STARD10: variants seen among roughly 807,000 people sequenced by gnomAD.
STARD10 encodes the protein START domain-containing protein 10.
A neutral mutation model predicts 36.0 loss-of-function variants in STARD10; 24 were observed. That is an observed-to-expected ratio of 0.67 (90% confidence interval 0.48 to 0.94). The LOEUF (loss-of-function observed/expected upper bound fraction) is 0.94. Among genes scored for constraint, STARD10 ranks in the 40% least tolerant of loss-of-function variants. STARD10 has a pLI of 0.00. For synonymous variants in STARD10, 156 were observed against 161.9 expected, an observed-to-expected ratio of 0.96 and a Z score of 0.28; for missense variants, 335 against 396.6, an observed-to-expected ratio of 0.84 and a Z score of 1.32.
chr11:72,780,079 G>A (rs1858972465), intron 2 of STARD10: 1 of 365,684 alleles, frequency 2.7e-6, no homozygotes, highest in Admixed American at 3.2e-5. Context: ...CCCATTGCAA[G>A]GGGACCTACC....
rs771045728 is a variant in STARD10 at position 72,755,176 on chromosome 11, G to A, written c.631-34C>T. 23 of 1,584,430 alleles carry A rather than the reference G, an allele frequency of 1.5e-5. No individual in the cohort carries two copies. The South Asian group carries it at 1.7e-4, about 12-fold the overall frequency. Reference sequence around the variant, plus strand: ...CCGCCGCCCCGCCGGGTCAGGGGGTGGCTAGGGGGCAGGTCTTCTCCACAC... The same window carrying A: ...CCGCCGCCCCGCCGGGTCAGGGGGTAGCTAGGGGGCAGGTCTTCTCCACAC... On this transcript the variant is annotated intron_variant, in intron 6 of 6. Transcript: ENST00000334805.
intron 2 of STARD10, among the ~76,000 whole-genome samples, chr11:72,763,986 CCT>C (rs957587145): frequency 6.6e-6 from 1 of 152,182 alleles, no homozygotes; most frequent in Non-Finnish European, 1.5e-5. Flanking sequence ...ATCGGATCTC[CCT>C]GTGTTCTTAA....
At chr11:72,774,417 G>A (rs1246387151) in intron 2 of STARD10, among the ~76,000 whole-genome samples, 5 of 152,180 alleles carry the variant, frequency 3.3e-5, no homozygotes, top group Non-Finnish European at 5.9e-5. Flanking sequence ...CGTGCCACCT[G>A]CCCCAGGCTC....
At chr11:72,774,447 G>A (rs1005758991) in intron 2 of STARD10, among the ~76,000 whole-genome samples, 19 of 152,218 alleles carry the variant, frequency 1.2e-4, no homozygotes, top group African/African-American at 4.6e-4. Flanking sequence ...ACAGGTGAAA[G>A]GAATCTACTG....
intron 2 of STARD10, among the ~76,000 whole-genome samples, chr11:72,765,407 C>T (rs1184566666): frequency 1.3e-5 from 2 of 152,122 alleles, no homozygotes; most frequent in Non-Finnish European, 2.9e-5. Context: ...CCCGAGAACC[C>T]CTGGGACCAG....
chr11:72,780,880 C>CAGCCAGGTGTCT (rs1858984511), intron 2 of STARD10, 95 bp downstream of exon 2: 5 of 1,295,744 alleles, frequency 3.9e-6, no homozygotes, highest in Non-Finnish European at 5.6e-6. Context: ...CCCAGATATA[C>CAGCCAGGTGTCT]AGCCAGGTGT....
intron 2 of STARD10, among the ~76,000 whole-genome samples, chr11:72,767,315 C>T (rs1364380924): frequency 6.6e-6 from 1 of 152,208 alleles, no homozygotes; most frequent in Non-Finnish European, 1.5e-5. Context: ...ACCACCTCTG[C>T]CAGCTGTCAA....
chr11:72,754,886 C>G lies in STARD10; in HGVS notation c.*11G>C. On this transcript the variant is annotated 3_prime_UTR_variant, in exon 7 of 7. Coordinates refer to ENST00000334805, the MANE Select transcript of STARD10 (RefSeq NM_006645.3). Reference sequence around the variant, plus strand: ...CCCGGTCCTGTCTCCGTCCCTGAAGCGGTGCGGCGCTCAGGTGAGCGAGGT... The same window carrying G: ...CCCGGTCCTGTCTCCGTCCCTGAAGGGGTGCGGCGCTCAGGTGAGCGAGGT... 1 of 1,593,262 alleles carries G rather than the reference C, an allele frequency of 6.3e-7. No homozygotes were observed.
At chr11:72,785,731 C>T (rs1250053503) in intron 1 of STARD10, 3 of 152,682 alleles carry the variant, frequency 2.0e-5, no homozygotes, top group Non-Finnish European at 4.4e-5. Flanking sequence ...CAGCCTCCCT[C>T]GGTGGCCCCC....
chr11:72,755,302 CATTCT>C, intron 6 of STARD10, 160 bp from the exon 7 acceptor site: 1 of 602,320 alleles, frequency 1.7e-6, no homozygotes, highest in Non-Finnish European at 2.6e-6. Flanking sequence ...CTCCATTCTC[CATTCT>C]TTTTTTTTTT....
chr11:72,775,326 C>T (rs866592137), intron 2 of STARD10, among the ~76,000 whole-genome samples: 3 of 152,192 alleles, frequency 2.0e-5, no homozygotes, highest in Non-Finnish European at 2.9e-5. Flanking sequence ...ACAGCAGCAG[C>T]GCCCTCTTAC....
chr11:72,765,814 T>TAAA (rs1482917360), intron 2 of STARD10, among the ~76,000 whole-genome samples: 1 of 88,810 alleles, frequency 1.1e-5, no homozygotes, highest in African/African-American at 1.0e-4. Flanking sequence ...CTACTAAAAA[T>TAAA]ACAAAAAAAA....
intron 1 of STARD10, among the ~76,000 whole-genome samples, chr11:72,782,053 A>G (rs1859010418): frequency 6.6e-6 from 1 of 152,068 alleles, no homozygotes; most frequent in South Asian, 2.1e-4. Context: ...CTCTGCGAGG[A>G]AGGGCCACGA....
At chr11:72,755,787 G>C in intron 5 of STARD10, 34 bp from the exon 6 acceptor site, 9 of 1,591,462 alleles carry the variant, frequency 5.7e-6, no homozygotes, top group Non-Finnish European at 7.7e-6. Context: ...AGCAGCCTCA[G>C]GGACCCAGCC....
chr11:72,776,666 C>T (rs993133813), intron 2 of STARD10, among the ~76,000 whole-genome samples: 1 of 152,138 alleles, frequency 6.6e-6, no homozygotes, highest in African/African-American at 2.4e-5. Context: ...TCAGTTTCCA[C>T]ATCTGCTTGA....
At chr11:72,758,442 A>C (rs1010556265) in intron 4 of STARD10, 88 bp downstream of exon 4, 5 of 1,035,700 alleles carry the variant, frequency 4.8e-6, no homozygotes, top group Non-Finnish European at 6.0e-6. Context: ...GCCTGCCCGA[A>C]GTCATATTGA....
Position 72,785,783 on chromosome 11 carries a change from A to T in STARD10, c.-113-4489T>A, listed in dbSNP as rs1416267067. 7 of 152,700 alleles carry T rather than the reference A, an allele frequency of 4.6e-5. No individual in the cohort carries two copies. The East Asian group carries it at 9.7e-4, about 21-fold the overall frequency. The allele number at this position is 152,700 out of a possible 1,614,324, so 9.5% of individuals were successfully genotyped here. On this transcript the variant is annotated intron_variant, in intron 1 of 6. Transcript: ENST00000334805. Reference sequence around the variant, plus strand: ...TGGACAGTGAGGGGCCTGAAAGTCTAGCCTTGCTCCAGGATGCCCACCCCT... The same window carrying T: ...TGGACAGTGAGGGGCCTGAAAGTCTTGCCTTGCTCCAGGATGCCCACCCCT...
intron 2 of STARD10, among the ~76,000 whole-genome samples, chr11:72,768,932 G>C (rs1282388238): frequency 6.6e-6 from 1 of 152,234 alleles, no homozygotes; most frequent in Admixed American, 6.5e-5. Flanking sequence ...GGGTTTCTCT[G>C]ACTTTTAGAA....
chr11:72,757,892 T>C lies in STARD10; in HGVS notation c.460-8A>G, dbSNP rs376780352. ...TTTCCGAGGTGGGTATTTCTGGGGATGGAAGGCACAGGGAGGTGAGACTCG... is the reference window on the plus strand; with the variant it reads ...TTTCCGAGGTGGGTATTTCTGGGGACGGAAGGCACAGGGAGGTGAGACTCG... On this transcript the variant is annotated splice_polypyrimidine_tract_variant and splice_region_variant and intron_variant, in intron 4 of 6. Coordinates refer to ENST00000334805, the MANE Select transcript of STARD10 (RefSeq NM_006645.3). 428 of 1,613,798 alleles carry C rather than the reference T, an allele frequency of 2.7e-4. No individual in the cohort carries two copies. Among genetic ancestry groups the C allele is most frequent in the Non-Finnish European group, 2.3e-4 (267 of 1,179,678 alleles).
Sources: gnomAD v4.1 joint callset for allele counts (sites outside exome capture counted in the v4.1 genomes callset) on GRCh38, gnomAD v4.1.1 for gene constraint, MANE v1.5 for transcripts, NCBI Gene and HGNC (gene_info 2026-07-23, HGNC 2026-07-21) for gene names.